Variants in ZFAT observed in about 807,000 individuals in gnomAD.
ZFAT encodes the protein zinc finger and AT-hook domain containing, also known as zinc finger protein ZFAT.
Under a neutral mutation model 117.7 loss-of-function variants are expected in ZFAT, and 64 were observed. The observed-to-expected ratio is 0.54, with a 90% CI of 0.44 to 0.67. The LOEUF (loss-of-function observed/expected upper bound fraction) is 0.67. ZFAT is among the 30% of genes least tolerant of loss of function. The probability of loss-of-function intolerance (pLI) is 0.00; values close to 1 mark genes in which losing one functional copy is unlikely to be tolerated. For missense variants in ZFAT, 1,433 were observed against 1,584.5 expected (o/e 0.90, Z 1.62); for synonymous variants, 679 against 615.0 (o/e 1.10, Z -1.54).
At chr8:134,496,005 A>G (rs1818410432) in intron 15 of ZFAT, among the ~76,000 whole-genome samples, 1 of 152,212 alleles carries the variant, frequency 6.6e-6, no homozygotes, top group South Asian at 2.1e-4. Context: ...CAACACCAGC[A>G]TCAGCACTCA....
chr8:134,504,106 G>C (rs758566301), intron 15 of ZFAT, among the ~76,000 whole-genome samples: 1 of 152,180 alleles, frequency 6.6e-6, no homozygotes, highest in Non-Finnish European at 1.5e-5. Flanking sequence ...GGACAAGACT[G>C]CATCAGGTAA....
At chr8:134,797,648 G>GA in the ZFAT span, 1 of 151,996 alleles carries the variant, frequency 6.6e-6, no homozygotes, top group East Asian at 1.9e-4. Flanking sequence ...CTAAGATTTT[G>GA]AATCACAGGA....
chr8:134,552,455 T>C (rs1823236870), intron 11 of ZFAT, among the ~76,000 whole-genome samples: 2 of 152,254 alleles, frequency 1.3e-5, no homozygotes, highest in Non-Finnish European at 2.9e-5. Flanking sequence ...TGCCTCTCAC[T>C]AGTTTTATGA....
In ZFAT at chr8:134,700,677, C is replaced by T. The variant is rs1045489612; in HGVS notation, c.19+12168G>A. ...GGGAGGCAGAGGCTGCGTACCTTGT[C>T]GGGCTCCCTCATGCTTCCCTGCCTT... is the stretch of plus-strand genomic sequence containing the variant. On this transcript the variant is annotated intron_variant, in intron 1 of 15. Coordinates refer to ENST00000377838, the MANE Select transcript of ZFAT (RefSeq NM_020863.4). Among the ~76,000 whole-genome samples the T allele has an allele frequency of 7.2e-5, 11 of 152,312 alleles. No homozygotes were observed. In the South Asian group the frequency reaches 1.9e-3, roughly 26 times the overall value.
intron 15 of ZFAT, among the ~76,000 whole-genome samples, chr8:134,507,119 A>C (rs1368579380): frequency 2.6e-5 from 4 of 152,248 alleles, no homozygotes; most frequent in African/African-American, 9.6e-5. Flanking sequence ...CTGGTGCAAC[A>C]GAGTTCACAT....
upstream of ZFAT, among the ~76,000 whole-genome samples, chr8:134,716,680 T>C (rs570298965): frequency 1.3e-5 from 2 of 152,348 alleles, no homozygotes; most frequent in African/African-American, 4.8e-5. Flanking sequence ...ACAATTTGCA[T>C]ATCACAACAA....
chr8:134,549,152 C>T (rs11167154), intron 11 of ZFAT, among the ~76,000 whole-genome samples: 117 of 152,200 alleles, frequency 7.7e-4, no homozygotes, highest in African/African-American at 2.5e-3. Flanking sequence ...CATAGAAATA[C>T]GAGTTCAGAC....
intron 7 of ZFAT, chr8:134,597,877 G>A (rs16905193): frequency 0.26 from 40,002 of 152,172 alleles, 5,744 homozygotes; most frequent in East Asian, 0.53. Flanking sequence ...TATCTCTTTT[G>A]TAAGGTCAAC....
At chr8:134,645,822 C>T (rs1382841780) in intron 2 of ZFAT, among the ~76,000 whole-genome samples, 1 of 152,220 alleles carries the variant, frequency 6.6e-6, no homozygotes, top group Non-Finnish European at 1.5e-5. Context: ...CACCCAGCAA[C>T]AGCAGAATAC....
chr8:134,749,675 A>C, the ZFAT span, among the ~76,000 whole-genome samples: 4 of 152,330 alleles, frequency 2.6e-5, no homozygotes, highest in East Asian at 7.7e-4. Flanking sequence ...TGAGGAAGGA[A>C]TAAAATCTCA....
chr8:134,653,949 G>A (rs1185764827), intron 2 of ZFAT, among the ~76,000 whole-genome samples: 1 of 152,184 alleles, frequency 6.6e-6, no homozygotes, highest in Non-Finnish European at 1.5e-5. Context: ...AACTTGGAGA[G>A]CAGTTAGAAA....
At chr8:134,712,768 C>T (rs1313064263) in intron 1 of ZFAT, 77 bp downstream of exon 1, 7 of 1,399,688 alleles carry the variant, frequency 5.0e-6, no homozygotes, top group East Asian at 6.1e-5. Flanking sequence ...CCCGACTCGA[C>T]GCTCGAAACG....
the ZFAT span, among the ~76,000 whole-genome samples, chr8:134,757,931 C>G: frequency 2.6e-5 from 4 of 152,158 alleles, no homozygotes; most frequent in Admixed American, 6.5e-5. Flanking sequence ...CAACAGAGAT[C>G]GATTTCTTCA....
At chr8:134,748,892 A>AT in the ZFAT span, among the ~76,000 whole-genome samples, 1,438 of 151,384 alleles carry the variant, frequency 9.5e-3, 7 homozygotes, top group Middle Eastern at 0.017. Flanking sequence ...GTCTTTGCCT[A>AT]TTTTTTTTCC....
chr8:134,549,600 C>A (rs771565259), intron 11 of ZFAT, among the ~76,000 whole-genome samples: 6 of 152,304 alleles, frequency 3.9e-5, no homozygotes, highest in Non-Finnish European at 7.4e-5. Context: ...AGATCTGCAC[C>A]CCTATACTGG....
chr8:134,709,442 T>C (rs970589757), intron 1 of ZFAT, among the ~76,000 whole-genome samples: 2 of 152,234 alleles, frequency 1.3e-5, no homozygotes, highest in African/African-American at 4.8e-5. Context: ...GGCAGATCTC[T>C]GGAGCCAGAG....
At chr8:134,755,272 G>T in the ZFAT span, among the ~76,000 whole-genome samples, 1 of 151,294 alleles carries the variant, frequency 6.6e-6, no homozygotes, top group Non-Finnish European at 1.5e-5. Flanking sequence ...AAAATGCCGG[G>T]CGTGGCGGCA....
At position 134,657,668 on chromosome 8, in the gene ZFAT, T is replaced by C. The variant is rs1831693712; in HGVS notation, c.89A>G (p.His30Arg). 6.2e-7 allele frequency: 1 copy of C among 1,614,006 alleles called. No homozygotes were observed. Among genetic ancestry groups the C allele is most frequent in the Non-Finnish European group, 8.5e-7 (1 of 1,180,024 alleles). Residue 30 changes from histidine to arginine, a missense_variant, in exon 2 of 16, where the codon CAC becomes CGC. This residue lies in a region of ZFAT where 436 missense variants were observed against 482.0 expected (regional missense o/e 0.90). Transcript: ENST00000377838. ...TTCTTCCATGTGCTTCTCTGAAACGTGGGAGAGGAGTTCCGACTGATTTGG... is the reference window on the plus strand; with the variant it reads ...TTCTTCCATGTGCTTCTCTGAAACGCGGGAGAGGAGTTCCGACTGATTTGG... The part of the protein sequence containing the change: ...FSPNQSELLS[H>R]VSEKHMEEGV...
At chr8:134,583,810 T>C in intron 10 of ZFAT, 22 bp downstream of exon 10, 1 of 1,611,396 alleles carries the variant, frequency 6.2e-7, no homozygotes, top group East Asian at 2.2e-5. Flanking sequence ...AGGGGAAAGT[T>C]CACCTTGGGC....
Sources: gnomAD v4.1 joint callset for allele counts (sites outside exome capture counted in the v4.1 genomes callset) on GRCh38, gnomAD v4.1.1 for gene constraint, gnomAD v4.1.1 regional missense constraint, MANE v1.5 for transcripts, NCBI Gene and HGNC (gene_info 2026-07-23, HGNC 2026-07-21) for gene names.